TAF3: variants seen among roughly 807,000 people sequenced by gnomAD.
TAF3 encodes transcription initiation factor TFIID subunit 3.
In TAF3, 7 loss-of-function variants were observed where a neutral mutation model predicts 80.6. The observed-to-expected ratio is 0.09, with a 90% confidence interval of 0.05 to 0.16. The LOEUF (loss-of-function observed/expected upper bound fraction) is 0.16, where lower values mean the gene tolerates loss of function less well. Ranked by LOEUF, TAF3 falls within the 10% of genes least tolerant of loss-of-function variation. TAF3 has a pLI of 1.00. For synonymous variants in TAF3, 444 were observed against 446.1 expected, an observed-to-expected ratio of 1.00 and a Z score of 0.06; for missense variants, 921 against 1,140.2, an observed-to-expected ratio of 0.81 and a Z score of 2.77.
chr10:7,881,648 T>C (rs563282239), intron 2 of TAF3, among the ~76,000 whole-genome samples: 1 of 152,258 alleles, frequency 6.6e-6, no homozygotes, highest in African/African-American at 2.4e-5. Flanking sequence ...TGAAATTTGA[T>C]AGAGTAACAA....
At position 7,987,522 on chromosome 10, in the gene TAF3, A is replaced by G. The variant is rs1290813002; in HGVS notation, c.2315+10199A>G. Among the ~76,000 whole-genome samples, 5 of 152,228 alleles carry G rather than the reference A, an allele frequency of 3.3e-5. No individual in the cohort carries two copies. The South Asian group carries it at 1.0e-3, about 32-fold the overall frequency. On this transcript the variant is annotated intron_variant, in intron 4 of 6. Transcript: ENST00000344293. ...TTTTGCTATAACAAATAAAGAAACA[A>G]CATCCTCATATATAGATTTTTGTTT...
chr10:7,930,663 G>A (rs1439479834), intron 2 of TAF3, among the ~76,000 whole-genome samples: 5 of 152,050 alleles, frequency 3.3e-5, no homozygotes, highest in Admixed American at 6.5e-5. Flanking sequence ...ATTTTTAAGC[G>A]CCATTTGATC....
rs773280673 is a variant in TAF3, at chr10:7,964,595, T to C, written c.1085T>C (p.Ile362Thr). The C allele has an allele frequency of 1.2e-6, 2 of 1,613,736 alleles. No individual in the cohort carries two copies. The highest frequency in any genetic ancestry group is 2.7e-5 in the African/African-American group (2 of 74,784). The change falls in exon 3 of 7, where the codon ATA becomes ACA. Residue 362 changes from isoleucine to threonine, a missense_variant. Around this residue, in one of 6 missense-constraint regions of TAF3, gnomAD observed 743 missense variants for 821.0 expected, o/e 0.90. Transcript: ENST00000344293. This position sits in a 1 kb window ranked among gnomAD's most constrained non-coding sequence, Gnocchi z 4.1. Reference sequence around the variant, plus strand: ...AAAGAGACTATCCAGGTAAAACAAATACAGACACCCCCTGATGCTGGGAAA... The same window carrying C: ...AAAGAGACTATCCAGGTAAAACAAACACAGACACCCCCTGATGCTGGGAAA... ...ISKETIQVKQ[I>T]QTPPDAGKLN... is the part of the protein sequence containing the mutation.
rs147433457 is a variant in TAF3 at position 7,897,644 on chromosome 10, TTCTC to T, written c.410-66262_410-66259del. On this transcript the variant is annotated intron_variant, in intron 2 of 6. Transcript: ENST00000344293. ...ATAACTTCCTTTCTCCTAGTTCCTA[TTCTC>T]TCTCTCTCTCTCTTTCTTTCTTTCT... 1.9e-3 allele frequency among the ~76,000 whole-genome samples: 293 copies of T among 151,184 alleles called. 1 individual carries two copies. The highest frequency in any genetic ancestry group is 8.0e-4 in the Non-Finnish European group (54 of 67,700).
intron 2 of TAF3, among the ~76,000 whole-genome samples, chr10:7,839,828 G>C (rs1300684661): frequency 6.6e-6 from 1 of 152,050 alleles, no homozygotes; most frequent in East Asian, 1.9e-4. Context: ...AAATCTCTGT[G>C]TCTCTTGCTT....
chr10:7,889,909 G>A (rs1032111126), intron 2 of TAF3, among the ~76,000 whole-genome samples: 6 of 152,064 alleles, frequency 3.9e-5, no homozygotes, highest in African/African-American at 1.4e-4. Context: ...TTTGGATTTT[G>A]AATTTTCAGT....
At chr10:8,010,014 C>T (rs764289142) in intron 5 of TAF3, among the ~76,000 whole-genome samples, 2 of 151,932 alleles carry the variant, frequency 1.3e-5, no homozygotes, top group Non-Finnish European at 2.9e-5. Context: ...CAGGCTCAAG[C>T]GATCCTCCCA....
chr10:7,950,465 GA>G (rs1381824193), intron 2 of TAF3, among the ~76,000 whole-genome samples: 1 of 152,188 alleles, frequency 6.6e-6, no homozygotes, highest in Non-Finnish European at 1.5e-5. Context: ...TGGATTTAGA[GA>G]AACGTCTTAC....
chr10:7,838,968 C>G (rs1373006173), intron 2 of TAF3, among the ~76,000 whole-genome samples: 2 of 144,644 alleles, frequency 1.4e-5, no homozygotes, highest in Non-Finnish European at 3.0e-5. Context: ...AGCATCTGAG[C>G]CAGATAATTG....
At chr10:7,820,632 C>G (rs1392934012) in intron 1 of TAF3, among the ~76,000 whole-genome samples, 3 of 152,074 alleles carry the variant, frequency 2.0e-5, no homozygotes, top group Non-Finnish European at 4.4e-5. Context: ...GTAGCTGGGA[C>G]TACAGGGATA....
At chr10:7,957,794 GCT>G (rs376837630) in intron 2 of TAF3, among the ~76,000 whole-genome samples, 102 of 130,728 alleles carry the variant, frequency 7.8e-4, no homozygotes, top group Non-Finnish European at 1.1e-3. Flanking sequence ...TCTCTAGCGC[GCT>G]CTCTCTCTCT....
intron 4 of TAF3, among the ~76,000 whole-genome samples, chr10:8,000,134 GT>G (rs957462895): frequency 6.6e-6 from 1 of 152,016 alleles, no homozygotes; most frequent in African/African-American, 2.4e-5. Context: ...GTTTTGCTTT[GT>G]TTTTTGTTTT....
At chr10:7,898,808 C>G (rs1489710452) in intron 2 of TAF3, among the ~76,000 whole-genome samples, 1 of 151,658 alleles carries the variant, frequency 6.6e-6, no homozygotes, top group East Asian at 1.9e-4. Flanking sequence ...TCTTTGTTTT[C>G]TTTGAGTTTT....
At chr10:7,886,993 T>C (rs1453313672) in intron 2 of TAF3, among the ~76,000 whole-genome samples, 1 of 152,044 alleles carries the variant, frequency 6.6e-6, no homozygotes, top group Non-Finnish European at 1.5e-5. Context: ...CCCAGCACTT[T>C]GGGAGGCTGA....
At chr10:7,982,419 G>C (rs569446278) in intron 4 of TAF3, among the ~76,000 whole-genome samples, 2 of 152,004 alleles carry the variant, frequency 1.3e-5, no homozygotes, top group Non-Finnish European at 2.9e-5. Context: ...TTTTGAGACA[G>C]AGCCTCCCTC....
At chr10:7,963,631 G>A (rs1310948770) in intron 2 of TAF3, among the ~76,000 whole-genome samples, 2 of 152,130 alleles carry the variant, frequency 1.3e-5, no homozygotes, top group Non-Finnish European at 2.9e-5. Flanking sequence ...CACAGAGGGA[G>A]GGGAACATCA....
At chr10:8,001,610 T>A (rs1182539121) in intron 4 of TAF3, among the ~76,000 whole-genome samples, 1 of 152,240 alleles carries the variant, frequency 6.6e-6, no homozygotes, top group Non-Finnish European at 1.5e-5. Flanking sequence ...TTTCCCTTTA[T>A]GGTTTCAGCT....
chr10:7,917,789 A>G (rs1837725487), intron 2 of TAF3, among the ~76,000 whole-genome samples: 1 of 152,186 alleles, frequency 6.6e-6, no homozygotes, highest in South Asian at 2.1e-4. Flanking sequence ...GAAGAAGGAA[A>G]TACTTTTGAA....
intron 3 of TAF3, among the ~76,000 whole-genome samples, chr10:7,975,635 G>A (rs1033236497): frequency 3.3e-5 from 5 of 152,178 alleles, no homozygotes; most frequent in African/African-American, 4.8e-5. Context: ...AATGTCTGCC[G>A]AGCATCTCCT....
Sources: allele counts gnomAD v4.1 joint callset (sites outside exome capture counted in the v4.1 genomes callset), GRCh38; gene constraint gnomAD v4.1.1; regional missense constraint gnomAD v4.1.1; non-coding constraint Gnocchi (gnomAD v3.1); transcripts MANE v1.5; gene names NCBI Gene and HGNC (gene_info 2026-07-23, HGNC 2026-07-21).